The following PRMT7 variants were observed in gnomAD, a reference collection of about 807,000 sequenced individuals.
PRMT7 encodes the protein protein arginine N-methyltransferase 7.
In PRMT7, 75 loss-of-function variants were observed where a neutral mutation model predicts 85.4. The observed-to-expected ratio is 0.88, with a 90% confidence interval of 0.73 to 1.06. PRMT7 has a LOEUF of 1.06. PRMT7 is among the 50% of genes least tolerant of loss of function. PRMT7 has a pLI of 0.00. For missense variants in PRMT7, 868 were observed against 915.2 expected (o/e 0.95, Z 0.67); for synonymous variants, 397 against 359.5 (o/e 1.10, Z -1.18).
At chr16:68,323,104 T>C (rs1360572286) in intron 4 of PRMT7, among the ~76,000 whole-genome samples, 3 of 152,200 alleles carry the variant, frequency 2.0e-5, no homozygotes, top group Non-Finnish European at 2.9e-5. Flanking sequence ...TAAATGCACT[T>C]ACTTTGACAA....
At chr16:68,332,990 T>A (rs1481608821) in intron 6 of PRMT7, among the ~76,000 whole-genome samples, 2 of 152,026 alleles carry the variant, frequency 1.3e-5, no homozygotes, top group Admixed American at 1.3e-4. Flanking sequence ...GAGTGGAGAT[T>A]GATTCATTTA....
At chr16:68,354,148 C>T (rs1423907756) in intron 16 of PRMT7, among the ~76,000 whole-genome samples, 1 of 152,186 alleles carries the variant, frequency 6.6e-6, no homozygotes, top group African/African-American at 2.4e-5. Flanking sequence ...GAACCTGAGG[C>T]TGGTGGATTG....
At chr16:68,344,420 G>A (rs796102003) in intron 9 of PRMT7, among the ~76,000 whole-genome samples, 2 of 152,188 alleles carry the variant, frequency 1.3e-5, no homozygotes, top group South Asian at 2.1e-4. Flanking sequence ...CTCCAAACGC[G>A]TGGGTGTCAT....
intron 6 of PRMT7, among the ~76,000 whole-genome samples, chr16:68,335,751 G>T (rs542291525): frequency 1.3e-5 from 2 of 151,414 alleles, no homozygotes; most frequent in Admixed American, 6.6e-5. Flanking sequence ...CGCTGTCTCT[G>T]TTGTGCTCTT....
chr16:68,348,113 A>G (rs1210402742), intron 13 of PRMT7, among the ~76,000 whole-genome samples: 1 of 152,114 alleles, frequency 6.6e-6, no homozygotes, highest in Non-Finnish European at 1.5e-5. Context: ...TGGTGTGCAC[A>G]TGCGGGAGAA....
In PRMT7 at chr16:68,339,531, T is replaced by G. The variant is rs1210168318; in HGVS notation, c.714T>G (p.Phe238Leu). The G allele has an allele frequency of 6.2e-6, 10 of 1,614,128 alleles. No individual in the cohort carries two copies. The highest frequency in any genetic ancestry group is 1.6e-4 in the Middle Eastern group (1 of 6,062). The stretch of plus-strand genomic sequence containing the variant: ...TGAACCAGGTGTCACCAGCCGACTT[T>G]ACAGTCCTCAGCGATGTGCTGCCCA... ...IQLNQVSPAD[F>L]TVLSDVLPMF... is the part of the protein sequence containing the mutation. The change falls in exon 8 of 19, where the codon TTT becomes TTG. Residue 238 changes from phenylalanine to leucine, a missense_variant. Physicochemically the swap from Phe to Leu is conservative, Grantham distance 22 (BLOSUM62 0). Coordinates refer to ENST00000441236, the MANE Select transcript of PRMT7 (RefSeq NM_019023.5).
intron 2 of PRMT7, 110 bp from the exon 3 acceptor site, chr16:68,315,787 C>T: frequency 5.2e-6 from 3 of 582,320 alleles, no homozygotes; most frequent in East Asian, 3.0e-5. Flanking sequence ...ATTTTTTTCC[C>T]CGCTTTTGTC....
intron 3 of PRMT7, among the ~76,000 whole-genome samples, chr16:68,317,585 T>C (rs2082009997): frequency 6.6e-6 from 1 of 152,088 alleles, no homozygotes. Flanking sequence ...CCCAGCACTT[T>C]GGGAGACCAA....
intron 6 of PRMT7, among the ~76,000 whole-genome samples, chr16:68,332,680 G>A (rs1373283890): frequency 6.6e-6 from 1 of 152,110 alleles, no homozygotes; most frequent in African/African-American, 2.4e-5. Flanking sequence ...TTTCCTCTCT[G>A]ATTCTCTGCC....
At position 68,329,182 on chromosome 16, in the gene PRMT7, T is replaced by A. The variant is rs1335361414; in HGVS notation, c.391+8T>A. On this transcript the variant is annotated splice_region_variant and intron_variant, in intron 6 of 18. Transcript: ENST00000441236. ...AGGTGACTGTAGGTCCAGGTGAGAT[T>A]TACACACCCTGTGTTGAAAGCTTTG... The A allele has an allele frequency of 5.2e-6, 8 of 1,547,962 alleles. No individual in the cohort carries two copies. Among genetic ancestry groups the A allele is most frequent in the Non-Finnish European group, 7.1e-6 (8 of 1,120,192 alleles).
intron 2 of PRMT7, among the ~76,000 whole-genome samples, chr16:68,312,722 G>A (rs1968757): frequency 0.56 from 85,073 of 152,014 alleles, 24,141 homozygotes; most frequent in East Asian, 0.78. Flanking sequence ...TTCTGGGAGA[G>A]AACAAATAAT....
At chr16:68,330,029 G>A (rs1049574682) in intron 6 of PRMT7, among the ~76,000 whole-genome samples, 1 of 152,024 alleles carries the variant, frequency 6.6e-6, no homozygotes, top group African/African-American at 2.4e-5. Context: ...AAGTAGCGGT[G>A]ATTACAGGTG....
Position 68,350,464 on chromosome 16 carries a change from G to A in PRMT7, c.1414-1784G>A, listed in dbSNP as rs956538690. ...TTTTTTTAGCATAACCATATTAATG[G>A]GAGTGTGGTGATGTCTCCACATAGT... On this transcript the variant is annotated intron_variant, in intron 14 of 18. Transcript: ENST00000441236. Among the ~76,000 whole-genome samples, 113 of 151,950 alleles carry A rather than the reference G, an allele frequency of 7.4e-4. 3 individuals carry two copies. The highest frequency in any genetic ancestry group is 7.3e-3 in the Admixed American group (112 of 15,270).
Position 68,358,061 on chromosome 16 carries a change from C to G in PRMT7, c.*837C>G, listed in dbSNP as rs529160930. 2 of 152,354 alleles carry G rather than the reference C, an allele frequency of 1.3e-5. No homozygotes were observed. The highest frequency in any genetic ancestry group is 2.9e-5 in the Non-Finnish European group (2 of 68,122). The allele number at this position is 152,354 out of a possible 1,614,324, so 9.4% of individuals were successfully genotyped here. A position where few individuals can be genotyped will look rare whatever the true frequency, so the allele number is the denominator to read the frequency against. ...CTTGCTTCTCTCACACACTAACCCC[C>G]CTTTGGTTATGTCCCAGCTCTCAGA... is the stretch of plus-strand genomic sequence containing the variant. On this transcript the variant is annotated 3_prime_UTR_variant, in exon 19 of 19. Transcript: ENST00000441236.
intron 14 of PRMT7, chr16:68,351,321 T>TCCACTCCTC (rs1249614676): frequency 6.6e-6 from 1 of 152,250 alleles, no homozygotes; most frequent in Non-Finnish European, 1.5e-5. Context: ...TGCCACTCCT[T>TCCACTCCTC]CCACTCCTCC....
intron 3 of PRMT7, 57 bp from the exon 4 acceptor site, chr16:68,321,369 A>G (rs35473836): frequency 0.014 from 18,864 of 1,386,852 alleles, 158 homozygotes; most frequent in Middle Eastern, 0.017. Context: ...ATATATGTGA[A>G]TACTCTTGTG....
At chr16:68,317,784 T>C (rs1200205029) in intron 3 of PRMT7, among the ~76,000 whole-genome samples, 5 of 151,286 alleles carry the variant, frequency 3.3e-5, no homozygotes, top group Non-Finnish European at 4.4e-5. Flanking sequence ...TGAGCCGAGA[T>C]CGTGCCATTG....
chr16:68,359,654 G>C (rs1165609398), downstream of PRMT7: 6 of 152,834 alleles, frequency 3.9e-5, no homozygotes, highest in African/African-American at 1.4e-4. Context: ...GCTCCCTCCA[G>C]CCTCACCAGG....
rs143038144 is a variant in PRMT7, at chr16:68,350,834, G to A, written c.1414-1414G>A. Reference sequence around the variant, plus strand: ...GAATCAGACAAGTGTGTGGTCTTTCGTGGCTGGCCTCTCATGTGGCTTCAT... The same window carrying A: ...GAATCAGACAAGTGTGTGGTCTTTCATGGCTGGCCTCTCATGTGGCTTCAT... On this transcript the variant is annotated intron_variant, in intron 14 of 18. Transcript: ENST00000441236. Among the ~76,000 whole-genome samples, 424 of 152,328 alleles carry A rather than the reference G, an allele frequency of 2.8e-3. 6 individuals carry two copies. The South Asian group carries it at 0.031, about 11-fold the overall frequency.
Sources: allele counts gnomAD v4.1 joint callset (sites outside exome capture counted in the v4.1 genomes callset), GRCh38; gene constraint gnomAD v4.1.1; transcripts MANE v1.5; gene names NCBI Gene and HGNC (gene_info 2026-07-23, HGNC 2026-07-21).